The following SNX29 variants were observed in gnomAD, a reference collection of about 807,000 sequenced individuals.
The protein encoded by SNX29 is sorting nexin-29.
Under a neutral mutation model 102.1 loss-of-function variants are expected in SNX29, and 78 were observed. The observed-to-expected ratio is 0.76, with a 90% confidence interval of 0.64 to 0.92. The LOEUF (loss-of-function observed/expected upper bound fraction) is 0.92, where lower values mean the gene tolerates loss of function less well. Ranked by LOEUF, SNX29 falls within the 40% of genes least tolerant of loss-of-function variation. The probability of loss-of-function intolerance (pLI) is 0.00; values close to 1 mark genes in which losing one functional copy is unlikely to be tolerated. For missense variants in SNX29, 1,280 were observed against 1,061.7 expected, an observed-to-expected ratio of 1.21 and a Z score of -2.86; for synonymous variants, 580 against 414.5, an observed-to-expected ratio of 1.40 and a Z score of -4.85.
intron 20 of SNX29, among the ~76,000 whole-genome samples, chr16:12,542,463 C>T (rs1228889751): frequency 6.6e-6 from 1 of 152,246 alleles, no homozygotes; most frequent in African/African-American, 2.4e-5. Context: ...TCCCAAGTAG[C>T]TGGGATTACA....
chr16:12,561,661 C>G (rs930605376), intron 20 of SNX29, among the ~76,000 whole-genome samples: 10 of 152,184 alleles, frequency 6.6e-5, no homozygotes, highest in Non-Finnish European at 1.3e-4. Flanking sequence ...CTGGGGCCCT[C>G]TGAGGGTGCC....
At chr16:12,139,340 C>T (rs750228515) in intron 13 of SNX29, among the ~76,000 whole-genome samples, 5 of 152,158 alleles carry the variant, frequency 3.3e-5, no homozygotes, top group East Asian at 1.9e-4. Flanking sequence ...AGTCACAGTC[C>T]GGGTTGTCAT....
intron 14 of SNX29, among the ~76,000 whole-genome samples, chr16:12,246,306 A>C (rs1469465214): frequency 6.6e-6 from 1 of 152,048 alleles, no homozygotes; most frequent in Non-Finnish European, 1.5e-5. Context: ...TAGTCTCTGG[A>C]TTAAAAACAG....
At chr16:12,543,345 G>C (rs551321232) in intron 20 of SNX29, among the ~76,000 whole-genome samples, 2 of 152,328 alleles carry the variant, frequency 1.3e-5, no homozygotes, top group South Asian at 4.1e-4. Flanking sequence ...CAGAGGAGCA[G>C]GGTGTTCAGC....
intron 14 of SNX29, among the ~76,000 whole-genome samples, chr16:12,207,562 C>T (rs1184661164): frequency 2.0e-5 from 3 of 152,102 alleles, no homozygotes; most frequent in African/African-American, 4.8e-5. Context: ...TCTCACTGCT[C>T]ATCACAGAGC....
At chr16:12,246,744 T>C (rs2078271037) in intron 14 of SNX29, among the ~76,000 whole-genome samples, 1 of 152,168 alleles carries the variant, frequency 6.6e-6, no homozygotes, top group African/African-American at 2.4e-5. Flanking sequence ...CAATTGGTGG[T>C]ATTCTTAGAA....
chr16:12,554,126 C>T (rs560987438), intron 20 of SNX29, among the ~76,000 whole-genome samples: 6 of 152,220 alleles, frequency 3.9e-5, no homozygotes, highest in Non-Finnish European at 8.8e-5. Context: ...CCATGCCCAG[C>T]CTGGATGCTT....
chr16:12,446,082 G>A (rs938193183), intron 18 of SNX29, among the ~76,000 whole-genome samples: 10 of 135,272 alleles, frequency 7.4e-5, no homozygotes, highest in Admixed American at 1.6e-4. Flanking sequence ...TTGAGACAGA[G>A]CCTTGCTGTG....
intron 13 of SNX29, among the ~76,000 whole-genome samples, chr16:12,167,653 C>T (rs1026268538): frequency 1.3e-5 from 2 of 152,110 alleles, no homozygotes; most frequent in African/African-American, 4.8e-5. Context: ...TCTTTTAATC[C>T]TCCCAATGAG....
At chr16:12,504,638 A>G (rs541825283) in intron 19 of SNX29, among the ~76,000 whole-genome samples, 1 of 152,344 alleles carries the variant, frequency 6.6e-6, no homozygotes, top group Non-Finnish European at 1.5e-5. Context: ...ACAGTAAGAT[A>G]TTTTGAGAGA....
At chr16:12,448,078 G>T (rs915726101) in intron 18 of SNX29, among the ~76,000 whole-genome samples, 4 of 152,182 alleles carry the variant, frequency 2.6e-5, no homozygotes, top group African/African-American at 9.7e-5. Flanking sequence ...TCTCGCAGTG[G>T]CCCCACCAGG....
At chr16:12,094,002 C>T (rs949695500) in intron 11 of SNX29, 8 of 152,128 alleles carry the variant, frequency 5.3e-5, no homozygotes, top group African/African-American at 1.9e-4. Context: ...TTTGTTTTTA[C>T]TGTTCTGCTT....
intron 19 of SNX29, among the ~76,000 whole-genome samples, chr16:12,485,569 G>A (rs2088188789): frequency 6.6e-6 from 1 of 152,164 alleles, no homozygotes; most frequent in Admixed American, 6.5e-5. Flanking sequence ...GCAACTTCTT[G>A]GGAGGTGCCA....
intron 20 of SNX29, among the ~76,000 whole-genome samples, chr16:12,541,073 C>T (rs895401989): frequency 1.3e-5 from 2 of 152,184 alleles, no homozygotes; most frequent in African/African-American, 4.8e-5. Context: ...GAGTTATTGA[C>T]TAGCTGCCTC....
chr16:12,569,122 C>G lies in SNX29; in HGVS notation c.*493C>G, dbSNP rs28571060. The G allele has an allele frequency of 0.18, 951 of 5,422 alleles. 145 individuals carry two copies. Among genetic ancestry groups the G allele is most frequent in the Middle Eastern group, 0.5 (3 of 6 alleles). The allele number at this position is 5,422 out of a possible 1,614,324, so 0.3% of individuals were successfully genotyped here. ...CCTAACCTAGGGATGGCTGGCTTTG[C>G]GGGGGGGGGGGGGGGGGGGGGCATG... On this transcript the variant is annotated 3_prime_UTR_variant, in exon 21 of 21. Coordinates refer to ENST00000566228, the MANE Select transcript of SNX29 (RefSeq NM_032167.5).
chr16:12,136,971 C>G (rs758337497), intron 13 of SNX29, among the ~76,000 whole-genome samples: 11 of 152,148 alleles, frequency 7.2e-5, no homozygotes, highest in Non-Finnish European at 1.5e-4. Flanking sequence ...AATTCCTGAC[C>G]TCAAATGATC....
At chr16:12,189,875 G>C (rs776891279) in intron 13 of SNX29, among the ~76,000 whole-genome samples, 6 of 152,014 alleles carry the variant, frequency 3.9e-5, no homozygotes, top group Non-Finnish European at 8.8e-5. Context: ...TTATGAGCTG[G>C]CTTCTGTGTC....
intron 1 of SNX29, among the ~76,000 whole-genome samples, chr16:11,983,337 G>A (rs888962239): frequency 6.8e-6 from 1 of 147,528 alleles, no homozygotes; most frequent in Non-Finnish European, 1.5e-5. Flanking sequence ...ACCTTCCAAA[G>A]TGCTGAGATT....
At chr16:12,256,516 C>T (rs1031651657) in intron 14 of SNX29, among the ~76,000 whole-genome samples, 11 of 152,210 alleles carry the variant, frequency 7.2e-5, no homozygotes, top group Middle Eastern at 3.4e-3. Flanking sequence ...GTAGCAGAGA[C>T]GAGGTTTCAC....
Sources: gnomAD v4.1 joint callset for allele counts (sites outside exome capture counted in the v4.1 genomes callset) on GRCh38, gnomAD v4.1.1 for gene constraint, MANE v1.5 for transcripts, NCBI Gene and HGNC (gene_info 2026-07-23, HGNC 2026-07-21) for gene names.